Variants in SLIT3 observed in about 807,000 individuals in gnomAD.
SLIT3 encodes the protein slit guidance ligand 3.
In SLIT3, 68 loss-of-function variants were observed where a neutral mutation model predicts 184.0. The ratio of observed to expected loss-of-function variants is 0.37; its 90% CI spans 0.30 to 0.45. The LOEUF is 0.45. Ranked by LOEUF, SLIT3 falls within the 20% of genes least tolerant of loss-of-function variation. The pLI is 1.00. For missense variants in SLIT3, 1,707 were observed against 2,026.0 expected, an observed-to-expected ratio of 0.84 and a Z score of 3.02; for synonymous variants, 831 against 828.6, an observed-to-expected ratio of 1.00 and a Z score of -0.05.
intron 8 of SLIT3, among the ~76,000 whole-genome samples, chr5:168,809,415 G>C (rs1232716462): frequency 6.6e-6 from 1 of 152,208 alleles, no homozygotes; most frequent in Non-Finnish European, 1.5e-5. Context: ...TGGGCTGGCA[G>C]CTCACCAGCC....
chr5:168,962,233 G>A (rs13179438), intron 4 of SLIT3, among the ~76,000 whole-genome samples: 1 of 151,866 alleles, frequency 6.6e-6, no homozygotes, highest in African/African-American at 2.4e-5. Flanking sequence ...GATGTGGAGA[G>A]CACAAGCATT....
At chr5:168,826,542 G>C (rs1409055086) in intron 6 of SLIT3, among the ~76,000 whole-genome samples, 1 of 152,202 alleles carries the variant, frequency 6.6e-6, no homozygotes, top group African/African-American at 2.4e-5. Flanking sequence ...CTCGAAGGCA[G>C]AGACTAGTTT....
chr5:168,792,439 C>G (rs1315559859), intron 10 of SLIT3: 2 of 152,208 alleles, frequency 1.3e-5, no homozygotes, highest in Non-Finnish European at 2.9e-5. Context: ...TCATATACTT[C>G]AGGCCGCAAT....
rs1211158972 is a variant in SLIT3, at chr5:168,748,391, C to T, written c.2181G>A (p.Glu727=). 6.6e-7 allele frequency: 1 copy of T among 1,520,966 alleles called. No individual in the cohort carries two copies. Among genetic ancestry groups the T allele is most frequent in the Non-Finnish European group, 8.7e-7 (1 of 1,146,134 alleles). The allele number at this position is 1,520,966 out of a possible 1,614,324, so 94.2% of individuals were successfully genotyped here. A position where few individuals can be genotyped will look rare whatever the true frequency, so the allele number is the denominator to read the frequency against. The part of the protein sequence containing the change: ...SSCQLSPRCP[E]QCTCMETVVR... ...CCACTGTCTCCATACAGGTGCACTG[C>T]TCCGGGCAGCGCGGGCTCAGCTGGC... Residue 727 remains glutamate (E), a synonymous_variant, in exon 20 of 36, where the codon GAG becomes GAA. Transcript: ENST00000519560.
chr5:169,000,923 G>T (rs1755681440), intron 4 of SLIT3, among the ~76,000 whole-genome samples: 1 of 152,160 alleles, frequency 6.6e-6, no homozygotes, highest in Admixed American at 6.5e-5. Context: ...CTGCCAAGCG[G>T]TTATTTGAGT....
At chr5:168,975,926 C>G (rs1297123607) in intron 4 of SLIT3, among the ~76,000 whole-genome samples, 1 of 152,206 alleles carries the variant, frequency 6.6e-6, no homozygotes, top group Non-Finnish European at 1.5e-5. Flanking sequence ...CAGAGATTAA[C>G]TTCTACGATC....
chr5:168,680,352 T>C (rs746946243), intron 32 of SLIT3, among the ~76,000 whole-genome samples: 4 of 152,232 alleles, frequency 2.6e-5, no homozygotes, highest in Non-Finnish European at 5.9e-5. Flanking sequence ...AATAGAATCT[T>C]CATGTGCCCT....
At chr5:168,858,487 A>C (rs1165422981) in intron 5 of SLIT3, among the ~76,000 whole-genome samples, 1 of 152,178 alleles carries the variant, frequency 6.6e-6, no homozygotes, top group Non-Finnish European at 1.5e-5. Flanking sequence ...ACTTAGGGGG[A>C]AAAATTCCTT....
intron 4 of SLIT3, among the ~76,000 whole-genome samples, chr5:169,178,700 CTTCTTCCA>C (rs1763059116): frequency 6.6e-6 from 1 of 152,132 alleles, no homozygotes; most frequent in Non-Finnish European, 1.5e-5. Context: ...CCTTCCTCCC[CTTCTTCCA>C]TTCTTCAGGT....
At chr5:168,915,438 G>A (rs968912719) in intron 4 of SLIT3, among the ~76,000 whole-genome samples, 1 of 152,054 alleles carries the variant, frequency 6.6e-6, no homozygotes, top group Non-Finnish European at 1.5e-5. Flanking sequence ...GAGGTTCCTC[G>A]TACGAATTGG....
chr5:168,862,582 T>G (rs1759149549), intron 5 of SLIT3, among the ~76,000 whole-genome samples: 1 of 152,034 alleles, frequency 6.6e-6, no homozygotes, highest in Admixed American at 6.5e-5. Context: ...TCACCATCAC[T>G]CAGCCACGAC....
chr5:169,227,704 G>A (rs1047647411), intron 3 of SLIT3, among the ~76,000 whole-genome samples: 2 of 152,218 alleles, frequency 1.3e-5, no homozygotes, highest in South Asian at 4.1e-4. Context: ...GGGATTACAA[G>A]CACGTGCCAC....
At chr5:169,075,008 G>A (rs999313722) in intron 4 of SLIT3, among the ~76,000 whole-genome samples, 2 of 152,128 alleles carry the variant, frequency 1.3e-5, no homozygotes, top group African/African-American at 4.8e-5. Context: ...CTATTGAGCT[G>A]TTCTCACATC....
chr5:168,772,610 A>T, intron 14 of SLIT3, 171 bp downstream of exon 14: 1 of 633,082 alleles, frequency 1.6e-6, no homozygotes, highest in South Asian at 1.9e-5. Flanking sequence ...TTTTAAATCC[A>T]TAAGGTAACT....
chr5:168,792,905 G>A (rs1756430521), intron 10 of SLIT3, among the ~76,000 whole-genome samples: 1 of 152,138 alleles, frequency 6.6e-6, no homozygotes, highest in Admixed American at 6.5e-5. Context: ...TGTGACTGAT[G>A]GATTGCAGTC....
chr5:168,728,775 G>C (rs1763211265), intron 20 of SLIT3, among the ~76,000 whole-genome samples: 1 of 151,962 alleles, frequency 6.6e-6, no homozygotes, highest in African/African-American at 2.4e-5. Context: ...AAAGTCAGCT[G>C]GGGAAGGTAG....
intron 28 of SLIT3, among the ~76,000 whole-genome samples, chr5:168,694,527 A>C (rs1761995728): frequency 6.6e-6 from 1 of 152,238 alleles, no homozygotes. Flanking sequence ...CCGCTCTCAG[A>C]AGATGAAAGA....
chr5:169,213,963 G>A (rs1208516811), intron 3 of SLIT3, among the ~76,000 whole-genome samples: 1 of 152,184 alleles, frequency 6.6e-6, no homozygotes, highest in South Asian at 2.1e-4. Context: ...GTACCAAGAT[G>A]GCAAGTAATA....
rs535719074 is a variant in SLIT3 at position 168,739,344 on chromosome 5, C to T, written c.2270+8958G>A. On this transcript the variant is annotated intron_variant, in intron 20 of 35. Coordinates refer to ENST00000519560, the MANE Select transcript of SLIT3 (RefSeq NM_003062.4). The stretch of plus-strand genomic sequence containing the variant: ...CTTTAAGAAAATGCCACTTGTTGAG[C>T]TTTGGTCTTAATCAAAGAAGAACAC... 9.9e-5 allele frequency among the ~76,000 whole-genome samples: 15 copies of T among 152,248 alleles called. No individual in the cohort carries two copies. The East Asian group carries it at 2.9e-3, about 29-fold the overall frequency.
Sources: gnomAD v4.1 joint callset for allele counts (sites outside exome capture counted in the v4.1 genomes callset) on GRCh38, gnomAD v4.1.1 for gene constraint, MANE v1.5 for transcripts, NCBI Gene and HGNC (gene_info 2026-07-23, HGNC 2026-07-21) for gene names.